Variants in BMPR1B observed in about 807,000 individuals in gnomAD.
BMPR1B encodes the protein bone morphogenetic protein receptor type-1B.
Under a neutral mutation model 59.1 loss-of-function variants are expected in BMPR1B, and 12 were observed. The ratio of observed to expected loss-of-function variants is 0.20; its 90% CI spans 0.13 to 0.33. The LOEUF (loss-of-function observed/expected upper bound fraction) is 0.33, where lower values mean the gene tolerates loss of function less well. BMPR1B is among the 10% of genes least tolerant of loss of function. The pLI is 1.00. For synonymous variants in BMPR1B, 237 were observed against 207.3 expected, an observed-to-expected ratio of 1.14 and a Z score of -1.23; for missense variants, 550 against 610.9, an observed-to-expected ratio of 0.90 and a Z score of 1.05.
chr4:94,861,894 CTTTG>C (rs1249352825), intron 1 of BMPR1B, among the ~76,000 whole-genome samples: 7 of 152,034 alleles, frequency 4.6e-5, no homozygotes, highest in Non-Finnish European at 7.4e-5. Context: ...ATTCTCTGAA[CTTTG>C]TTTGAATGAA....
At chr4:95,069,748 T>A (rs1028351211) in intron 3 of BMPR1B, among the ~76,000 whole-genome samples, 4 of 152,242 alleles carry the variant, frequency 2.6e-5, no homozygotes, top group Non-Finnish European at 5.9e-5. Flanking sequence ...CAGAGCCTGG[T>A]ACCTGGAAGG....
chr4:94,999,427 CGTGTGTGTGTGT>C (rs70946577), intron 3 of BMPR1B, among the ~76,000 whole-genome samples: 1 of 148,428 alleles, frequency 6.7e-6, no homozygotes, highest in Non-Finnish European at 1.5e-5. Flanking sequence ...CAGTGTTGTG[CGTGTGTGTGTGT>C]GTGTGTGTGT....
chr4:94,792,661 C>T (rs1353249227), intron 1 of BMPR1B, among the ~76,000 whole-genome samples: 2 of 152,036 alleles, frequency 1.3e-5, no homozygotes, highest in Non-Finnish European at 2.9e-5. Flanking sequence ...GGTCTGTGGT[C>T]TTGTTTTATT....
chr4:95,131,101 T>C, intron 9 of BMPR1B, 114 bp from the exon 10 acceptor site: 2 of 1,106,654 alleles, frequency 1.8e-6, no homozygotes, highest in Non-Finnish European at 2.6e-6. Flanking sequence ...AGTCAGGAAA[T>C]TGAATGAAAT....
chr4:94,906,179 A>T (rs991893838), intron 2 of BMPR1B, among the ~76,000 whole-genome samples: 5 of 151,954 alleles, frequency 3.3e-5, no homozygotes, highest in Non-Finnish European at 7.4e-5. Context: ...AGCTCCTTAG[A>T]TTGATATTTT....
chr4:95,007,710 C>G (rs1722946244), intron 3 of BMPR1B, among the ~76,000 whole-genome samples: 2 of 152,128 alleles, frequency 1.3e-5, no homozygotes, highest in African/African-American at 2.4e-5. Context: ...ACAGAAAAAT[C>G]AAGATGAAGT....
At chr4:94,826,457 G>A (rs1356728538) in intron 1 of BMPR1B, among the ~76,000 whole-genome samples, 3 of 152,132 alleles carry the variant, frequency 2.0e-5, no homozygotes, top group Non-Finnish European at 4.4e-5. Context: ...CTTTTCTGCT[G>A]TGTCCCTGCT....
chr4:94,932,438 T>C (rs187623876), intron 2 of BMPR1B, among the ~76,000 whole-genome samples: 2 of 152,308 alleles, frequency 1.3e-5, no homozygotes, highest in Non-Finnish European at 2.9e-5. Context: ...TGAAACACTT[T>C]AAAAAAGTTG....
rs773700021 is a variant in BMPR1B, at chr4:95,129,991, G to T, written c.715G>T (p.Ala239Ser). 1 of 1,613,990 alleles carries T rather than the reference G, an allele frequency of 6.2e-7. No individual in the cohort carries two copies. Among genetic ancestry groups the T allele is most frequent in the Non-Finnish European group, 8.5e-7 (1 of 1,179,928 alleles). Reference sequence around the variant, plus strand: ...GAAAGTGTTCTTCACCACAGAGGAAGCCAGCTGGTTCAGAGAGACAGAAAT... The same window carrying T: ...GAAAGTGTTCTTCACCACAGAGGAATCCAGCTGGTTCAGAGAGACAGAAAT... ...AVKVFFTTEEASWFRETEIYQ... is the reference protein window; with the variant it reads ...AVKVFFTTEESSWFRETEIYQ... The change falls in exon 9 of 13, where the codon GCC becomes TCC. Residue 239 changes from alanine to serine, a missense_variant. Ala to Ser is a moderately conservative substitution (Grantham distance 99). Coordinates refer to ENST00000515059, the MANE Select transcript of BMPR1B (RefSeq NM_001203.3).
chr4:94,963,442 C>T (rs1422388129), intron 2 of BMPR1B, among the ~76,000 whole-genome samples: 3 of 152,088 alleles, frequency 2.0e-5, no homozygotes, highest in Non-Finnish European at 4.4e-5. Flanking sequence ...GGAGCATTTC[C>T]CCAGTGTTTT....
chr4:94,835,845 G>C (rs916439767), intron 1 of BMPR1B, among the ~76,000 whole-genome samples: 3 of 151,280 alleles, frequency 2.0e-5, no homozygotes, highest in South Asian at 4.2e-4. Flanking sequence ...TGCCATGCTG[G>C]TGCGCTGCAC....
chr4:94,882,333 AC>A (rs1727005136), intron 2 of BMPR1B, among the ~76,000 whole-genome samples: 1 of 152,230 alleles, frequency 6.6e-6, no homozygotes. Flanking sequence ...TCATATGGGA[AC>A]AAGTATAGCT....
At chr4:94,945,257 A>G (rs1309422395) in intron 2 of BMPR1B, among the ~76,000 whole-genome samples, 1 of 152,204 alleles carries the variant, frequency 6.6e-6, no homozygotes, top group Non-Finnish European at 1.5e-5. Flanking sequence ...TTCCCAGTTT[A>G]TAAGTGTTCC....
At chr4:94,827,481 C>A (rs1724426571) in intron 1 of BMPR1B, among the ~76,000 whole-genome samples, 1 of 152,100 alleles carries the variant, frequency 6.6e-6, no homozygotes, top group South Asian at 2.1e-4. Flanking sequence ...CCTCTTGATA[C>A]AGGTTCAACA....
intron 3 of BMPR1B, among the ~76,000 whole-genome samples, chr4:95,021,859 A>G (rs1045138915): frequency 4.6e-5 from 7 of 152,204 alleles, no homozygotes; most frequent in Non-Finnish European, 8.8e-5. Flanking sequence ...GTCTATTCTC[A>G]TGTATTGGCA....
intron 1 of BMPR1B, among the ~76,000 whole-genome samples, chr4:94,835,363 T>A (rs567432326): frequency 7.9e-5 from 12 of 152,104 alleles, no homozygotes; most frequent in Admixed American, 2.6e-4. Flanking sequence ...ATATAAGATA[T>A]GATGATTTGT....
chr4:95,082,547 A>G (rs893992791), intron 3 of BMPR1B, among the ~76,000 whole-genome samples: 2 of 152,150 alleles, frequency 1.3e-5, no homozygotes, highest in African/African-American at 2.4e-5. Context: ...AAATGATTAC[A>G]TCTCATTTAA....
chr4:94,860,927 G>C lies in BMPR1B; in HGVS notation c.-182-14904G>C, dbSNP rs527834684. On this transcript the variant is annotated intron_variant, in intron 1 of 12. Transcript: ENST00000515059. Reference sequence around the variant, plus strand: ...CTTCATATATGTGTATATCTCTTTTGCCTGGGTCTTGAGAGTTATAGTCTT... The same window carrying C: ...CTTCATATATGTGTATATCTCTTTTCCCTGGGTCTTGAGAGTTATAGTCTT... Among the ~76,000 whole-genome samples the C allele has an allele frequency of 4.1e-5, 6 of 146,426 alleles. No homozygotes were observed. The South Asian group carries it at 1.3e-3, about 31-fold the overall frequency.
intron 1 of BMPR1B, among the ~76,000 whole-genome samples, chr4:94,844,510 C>T (rs1725238195): frequency 6.6e-6 from 1 of 152,068 alleles, no homozygotes; most frequent in African/African-American, 2.4e-5. Context: ...ATTACATTAT[C>T]TAGGAGAAAG....
Sources: gnomAD v4.1 joint callset for allele counts (sites outside exome capture counted in the v4.1 genomes callset) on GRCh38, gnomAD v4.1.1 for gene constraint, MANE v1.5 for transcripts, NCBI Gene and HGNC (gene_info 2026-07-23, HGNC 2026-07-21) for gene names.